GNG12: variants seen among roughly 807,000 people sequenced by gnomAD.
GNG12 encodes the protein guanine nucleotide-binding protein G(I)/G(S)/G(O) subunit gamma-12.
For synonymous variants in GNG12, 28 were observed against 29.7 expected, an observed-to-expected ratio of 0.94 and a Z score of 0.19; for missense variants, 69 against 83.8, an observed-to-expected ratio of 0.82 and a Z score of 0.69.
chr1:67,808,094 A>T (rs1407173854), intron 1 of GNG12, among the ~76,000 whole-genome samples: 1 of 152,106 alleles, frequency 6.6e-6, no homozygotes, highest in African/African-American at 2.4e-5. Context: ...TGTAAAAAAG[A>T]ATTACACACT....
chr1:67,713,513 C>G (rs550197551), intron 2 of GNG12, among the ~76,000 whole-genome samples: 2 of 151,754 alleles, frequency 1.3e-5, no homozygotes, highest in Non-Finnish European at 2.9e-5. Context: ...AAGAGTGTCA[C>G]AGAGCACACT....
At position 67,702,078 on chromosome 1, in the gene GNG12, G is replaced by C. The variant is rs1374673350; in HGVS notation, c.*3373C>G. On this transcript the variant is annotated 3_prime_UTR_variant, in exon 4 of 4. Coordinates refer to ENST00000370982, the MANE Select transcript of GNG12 (RefSeq NM_018841.6). ...GAAGCGCCTTGTCCAAGGTCACACAGCACAGGACAGACTGGGAAATGATCC... is the reference window on the plus strand; with the variant it reads ...GAAGCGCCTTGTCCAAGGTCACACACCACAGGACAGACTGGGAAATGATCC... 3 of 152,872 alleles carry C rather than the reference G, an allele frequency of 2.0e-5. No individual in the cohort carries two copies. Among genetic ancestry groups the C allele is most frequent in the Admixed American group, 6.5e-5 (1 of 15,280 alleles). The allele number at this position is 152,872 out of a possible 1,614,324, so 9.5% of individuals were successfully genotyped here.
chr1:67,777,172 T>A (rs1646710729), intron 2 of GNG12: 1 of 152,198 alleles, frequency 6.6e-6, no homozygotes, highest in African/African-American at 2.4e-5. Context: ...GATACTCCCA[T>A]CAACAGGGGC....
At chr1:67,771,714 A>C (rs1646675737) in intron 2 of GNG12, among the ~76,000 whole-genome samples, 1 of 152,160 alleles carries the variant, frequency 6.6e-6, no homozygotes, top group Non-Finnish European at 1.5e-5. Flanking sequence ...AAAAACTCAG[A>C]ATTTGTATCC....
intron 1 of GNG12, among the ~76,000 whole-genome samples, chr1:67,805,540 A>G (rs1646890149): frequency 6.6e-6 from 1 of 152,232 alleles, no homozygotes; most frequent in Non-Finnish European, 1.5e-5. Flanking sequence ...TAAGTTCATT[A>G]GTAGACTGAA....
chr1:67,744,285 C>T (rs1646497136), intron 2 of GNG12, among the ~76,000 whole-genome samples: 1 of 152,146 alleles, frequency 6.6e-6, no homozygotes, highest in African/African-American at 2.4e-5. Flanking sequence ...AACTTTTGCT[C>T]TTAAATGCTG....
chr1:67,790,770 C>G (rs1394922899), intron 1 of GNG12, among the ~76,000 whole-genome samples: 1 of 152,098 alleles, frequency 6.6e-6, no homozygotes, highest in African/African-American at 2.4e-5. Context: ...CCGCCACCAC[C>G]ACGTCTGGCT....
At chr1:67,826,544 C>A (rs908710969) in intron 1 of GNG12, among the ~76,000 whole-genome samples, 1 of 152,178 alleles carries the variant, frequency 6.6e-6, no homozygotes, top group African/African-American at 2.4e-5. Context: ...CCACATGAAG[C>A]CCCATGGTCT....
At chr1:67,706,562 G>A (rs1456296839) in intron 3 of GNG12, among the ~76,000 whole-genome samples, 1 of 152,218 alleles carries the variant, frequency 6.6e-6, no homozygotes, top group Middle Eastern at 3.4e-3. Context: ...GTCTAGCACA[G>A]CCCAGATAGC....
At chr1:67,796,597 G>C (rs1646832755) in intron 1 of GNG12, among the ~76,000 whole-genome samples, 1 of 152,180 alleles carries the variant, frequency 6.6e-6, no homozygotes, top group East Asian at 1.9e-4. Context: ...GTATTTACTA[G>C]TTGGGTTATG....
At chr1:67,804,581 C>G (rs1646884149) in intron 1 of GNG12, among the ~76,000 whole-genome samples, 1 of 152,010 alleles carries the variant, frequency 6.6e-6, no homozygotes, top group African/African-American at 2.4e-5. Context: ...AAAAGCTGAA[C>G]AAATGGAAAA....
intron 1 of GNG12, among the ~76,000 whole-genome samples, chr1:67,825,546 A>T (rs1647006359): frequency 6.6e-6 from 1 of 152,222 alleles, no homozygotes; most frequent in Non-Finnish European, 1.5e-5. Context: ...AAGTAGTACC[A>T]GTTGGTACTA....
chr1:67,793,538 T>C (rs1285291111), intron 1 of GNG12, among the ~76,000 whole-genome samples: 1 of 152,184 alleles, frequency 6.6e-6, no homozygotes, highest in Non-Finnish European at 1.5e-5. Flanking sequence ...CTTTGATTTT[T>C]TTTTTTTTTA....
At chr1:67,714,289 G>A (rs2100679448) in intron 2 of GNG12, among the ~76,000 whole-genome samples, 1 of 152,324 alleles carries the variant, frequency 6.6e-6, no homozygotes, top group Non-Finnish European at 1.5e-5. Flanking sequence ...TTGTGGCACT[G>A]CCTTTACACT....
intron 2 of GNG12, among the ~76,000 whole-genome samples, chr1:67,773,987 GC>G (rs1392045407): frequency 4.6e-5 from 7 of 152,176 alleles, no homozygotes; most frequent in Admixed American, 2.6e-4. Flanking sequence ...CTCTTGGACT[GC>G]ACTCAGCTGT....
intron 1 of GNG12, among the ~76,000 whole-genome samples, chr1:67,808,051 C>T (rs1646903238): frequency 6.6e-6 from 1 of 151,930 alleles, no homozygotes; most frequent in Admixed American, 6.6e-5. Flanking sequence ...TGCAAAAATC[C>T]TCAATAAAGT....
At chr1:67,761,625 G>T (rs1337106031) in intron 2 of GNG12, among the ~76,000 whole-genome samples, 2 of 152,186 alleles carry the variant, frequency 1.3e-5, no homozygotes, top group African/African-American at 2.4e-5. Flanking sequence ...GTCAAGTGCA[G>T]GTCGACTTGG....
At chr1:67,713,772 G>A (rs1010193528) in intron 2 of GNG12, among the ~76,000 whole-genome samples, 20 of 152,330 alleles carry the variant, frequency 1.3e-4, no homozygotes, top group African/African-American at 4.6e-4. Flanking sequence ...GGACTACAAT[G>A]CAGACCTCAT....
intron 1 of GNG12, among the ~76,000 whole-genome samples, chr1:67,796,726 G>A (rs1433114966): frequency 6.6e-6 from 1 of 152,166 alleles, no homozygotes; most frequent in Admixed American, 6.5e-5. Context: ...TTTTGCTAAG[G>A]TCAATAGAAA....
Sources: allele counts gnomAD v4.1 joint callset (sites outside exome capture counted in the v4.1 genomes callset), GRCh38; gene constraint gnomAD v4.1.1; transcripts MANE v1.5; gene names NCBI Gene and HGNC (gene_info 2026-07-23, HGNC 2026-07-21).